Variants in FER observed in about 807,000 individuals in gnomAD.
The protein encoded by FER is tyrosine-protein kinase Fer.
A neutral mutation model predicts 111.0 loss-of-function variants in FER; 63 were observed. That is an observed-to-expected ratio of 0.57 (90% CI 0.46 to 0.70). The LOEUF (loss-of-function observed/expected upper bound fraction) is 0.70, where lower values mean the gene tolerates loss of function less well. FER is among the 30% of genes least tolerant of loss of function. FER has a pLI of 0.00. For missense variants in FER, 914 were observed against 954.0 expected, an observed-to-expected ratio of 0.96 and a Z score of 0.55; for synonymous variants, 327 against 313.9, an observed-to-expected ratio of 1.04 and a Z score of -0.44.
chr5:108,859,469 C>T (rs923702290), intron 5 of FER, among the ~76,000 whole-genome samples: 6 of 152,140 alleles, frequency 3.9e-5, no homozygotes, highest in Non-Finnish European at 8.8e-5. Flanking sequence ...CTTTTCTACT[C>T]ATAGCCAATT....
At chr5:109,011,699 GC>G (rs1200620173) in intron 13 of FER, among the ~76,000 whole-genome samples, 1 of 152,098 alleles carries the variant, frequency 6.6e-6, no homozygotes, top group East Asian at 1.9e-4. Flanking sequence ...TGCGTTCAGG[GC>G]TATTTTATCT....
intron 10 of FER, among the ~76,000 whole-genome samples, chr5:108,938,491 G>A (rs982941210): frequency 2.6e-5 from 4 of 152,036 alleles, no homozygotes; most frequent in Admixed American, 6.6e-5. Flanking sequence ...ACAGTGTTTA[G>A]TTGCTTGGGT....
chr5:109,151,092 A>C (rs1050371657), intron 17 of FER, among the ~76,000 whole-genome samples: 18 of 152,144 alleles, frequency 1.2e-4, no homozygotes, highest in African/African-American at 3.9e-4. Flanking sequence ...CTGAACAGAA[A>C]ATTGTTGTAA....
chr5:109,144,554 A>T (rs1322442950), intron 17 of FER, among the ~76,000 whole-genome samples: 1 of 152,138 alleles, frequency 6.6e-6, no homozygotes, highest in African/African-American at 2.4e-5. Context: ...TCTGATTCTC[A>T]TTCCGATCTT....
intron 2 of FER, among the ~76,000 whole-genome samples, chr5:108,795,386 TTTG>T (rs886151016): frequency 6.6e-6 from 1 of 151,402 alleles, no homozygotes; most frequent in African/African-American, 2.4e-5. Flanking sequence ...ATTCTCTTTT[TTTG>T]TTTTCTTTTT....
At chr5:108,752,304 A>G (rs975758445) in intron 1 of FER, among the ~76,000 whole-genome samples, 3 of 152,016 alleles carry the variant, frequency 2.0e-5, no homozygotes, top group Non-Finnish European at 2.9e-5. Flanking sequence ...TCAGAAAACT[A>G]TAGAGAAGAA....
At chr5:108,941,825 G>A (rs933219186) in intron 10 of FER, among the ~76,000 whole-genome samples, 1 of 152,096 alleles carries the variant, frequency 6.6e-6, no homozygotes. Flanking sequence ...GAGCACAGAG[G>A]ATCTTTAGGA....
chr5:108,879,701 A>AAAAAAAATATATATAT, intron 8 of FER, among the ~76,000 whole-genome samples: 10 of 99,096 alleles, frequency 1.0e-4, no homozygotes, highest in African/African-American at 4.8e-4. Context: ...ATTAAAAAAA[A>AAAAAAAATATATATAT]ATATATATAT....
intron 13 of FER, among the ~76,000 whole-genome samples, chr5:108,969,130 T>A (rs1442843130): frequency 1.3e-5 from 2 of 152,144 alleles, no homozygotes; most frequent in African/African-American, 4.8e-5. Flanking sequence ...TTTGGCAGAA[T>A]CTGTCAAAAC....
intron 16 of FER, among the ~76,000 whole-genome samples, chr5:109,078,936 T>C (rs898027077): frequency 6.6e-6 from 1 of 152,130 alleles, no homozygotes; most frequent in Non-Finnish European, 1.5e-5. Context: ...ACCTGATCTC[T>C]TGGATGGAAA....
chr5:108,879,699 A>ATACATATATATATATATATATAT (rs1165401708), intron 8 of FER, among the ~76,000 whole-genome samples: 1 of 93,526 alleles, frequency 1.1e-5, no homozygotes, highest in Non-Finnish European at 2.1e-5. Flanking sequence ...AGATTAAAAA[A>ATACATATATATATATATATATAT]AAATATATAT....
Position 108,883,459 on chromosome 5 carries a change from T to C in FER, c.987T>C (p.Ala329=), listed in dbSNP as rs757346064. Residue 329 remains alanine, a synonymous_variant, in exon 9 of 20, where the codon GCT becomes GCC. Transcript: ENST00000281092. The stretch of plus-strand genomic sequence containing the variant: ...AGATGCTTTTAAACAAGGAGGAGGC[T>C]GTTTTGGAGTTAGAGAAGAGAATTG... The part of the protein sequence containing the change: ...TQQMLLNKEE[A]VLELEKRIEE... The C allele has an allele frequency of 1.9e-6, 3 of 1,609,456 alleles. No homozygotes were observed.
chr5:108,823,725 T>C (rs1392992904), intron 3 of FER, among the ~76,000 whole-genome samples: 2 of 152,214 alleles, frequency 1.3e-5, no homozygotes, highest in African/African-American at 4.8e-5. Flanking sequence ...TCCCATTCTT[T>C]AGATTGCCTT....
chr5:108,966,858 G>A (rs1759919197), intron 13 of FER, among the ~76,000 whole-genome samples: 1 of 152,026 alleles, frequency 6.6e-6, no homozygotes, highest in Non-Finnish European at 1.5e-5. Flanking sequence ...GTAACAAAGA[G>A]TAACATACAC....
chr5:108,925,284 T>C (rs1403229770), intron 10 of FER, among the ~76,000 whole-genome samples: 1 of 152,068 alleles, frequency 6.6e-6, no homozygotes, highest in African/African-American at 2.4e-5. Flanking sequence ...AGGAAACTAA[T>C]AATGTTTTTC....
At chr5:108,849,559 C>A (rs1443962919) in intron 5 of FER, among the ~76,000 whole-genome samples, 1 of 151,944 alleles carries the variant, frequency 6.6e-6, no homozygotes, top group African/African-American at 2.4e-5. Flanking sequence ...CTTCTTAAAC[C>A]TTTTATATAT....
intron 17 of FER, among the ~76,000 whole-genome samples, chr5:109,131,332 A>G (rs977705217): frequency 6.6e-6 from 1 of 151,994 alleles, no homozygotes; most frequent in Non-Finnish European, 1.5e-5. Context: ...CCTTAATACA[A>G]CCTTGTTCTT....
At chr5:109,013,741 C>T (rs556389219) in intron 13 of FER, among the ~76,000 whole-genome samples, 13 of 151,644 alleles carry the variant, frequency 8.6e-5, no homozygotes, top group African/African-American at 2.9e-4. Context: ...TCTCCAGCAC[C>T]TGTTGTTTCC....
intron 19 of FER, among the ~76,000 whole-genome samples, chr5:109,186,593 T>G (rs1391953942): frequency 6.6e-6 from 1 of 152,184 alleles, no homozygotes; most frequent in Non-Finnish European, 1.5e-5. Context: ...TCACTGTCGT[T>G]AAGAGAAATA....
Sources: allele counts gnomAD v4.1 joint callset (sites outside exome capture counted in the v4.1 genomes callset), GRCh38; gene constraint gnomAD v4.1.1; transcripts MANE v1.5; gene names NCBI Gene and HGNC (gene_info 2026-07-23, HGNC 2026-07-21).